The following IL1RAPL2 variants were observed in gnomAD, a reference collection of about 807,000 sequenced individuals.
IL1RAPL2 encodes interleukin 1 receptor accessory protein like 2.
Under a neutral mutation model 44.1 loss-of-function variants are expected in IL1RAPL2, and 3 were observed. That is an observed-to-expected ratio of 0.07 (90% confidence interval 0.03 to 0.18). The LOEUF (loss-of-function observed/expected upper bound fraction) is 0.18, where lower values mean the gene tolerates loss of function less well. IL1RAPL2 is among the 10% of genes least tolerant of loss of function. The pLI is 1.00. For synonymous variants in IL1RAPL2, 181 were observed against 178.8 expected (o/e 1.01, Z -0.10); for missense variants, 391 against 496.4 (o/e 0.79, Z 2.02).
chrX:104,742,648 G>C (rs1257930340), intron 2 of IL1RAPL2, among the ~76,000 whole-genome samples: 1 of 111,342 alleles, frequency 9.0e-6, no homozygotes. Context: ...TCAGTTCTTG[G>C]ATATTTTGGT....
At position 104,835,061 on chromosome X, in the gene IL1RAPL2, A is replaced by G. The variant is rs2147631359; in HGVS notation, c.82+176066A>G. Among the ~76,000 whole-genome samples the G allele has an allele frequency of 2.7e-5, 3 of 112,279 alleles. No individual in the cohort carries two copies. In the South Asian group the frequency reaches 1.1e-3, roughly 41 times the overall value. ...TTGAAAACAGAAAAAAAATGTTGTT[A>G]GATTGATCATTGATCACATTAGCTT... On this transcript the variant is annotated intron_variant, in intron 2 of 10. Transcript: ENST00000372582.
chrX:104,776,392 G>A (rs1348500990), intron 2 of IL1RAPL2, among the ~76,000 whole-genome samples: 2 of 112,085 alleles, frequency 1.8e-5, no homozygotes, highest in Non-Finnish European at 3.8e-5. Context: ...GGAAAATGAA[G>A]ACAATGTTGC....
chrX:105,289,887 C>T (rs962453531), intron 5 of IL1RAPL2, among the ~76,000 whole-genome samples: 1 of 111,239 alleles, frequency 9.0e-6, no homozygotes, highest in Non-Finnish European at 1.9e-5. Flanking sequence ...TGGGTACATG[C>T]CAGCATTAGA....
intron 6 of IL1RAPL2, among the ~76,000 whole-genome samples, chrX:105,512,919 A>G (rs1306655913): frequency 1.8e-5 from 2 of 109,809 alleles, no homozygotes; most frequent in Non-Finnish European, 3.8e-5. Flanking sequence ...CCCCTCCCCT[A>G]GGCCCCCAAC....
At chrX:104,932,961 A>G (rs2147698307) in intron 2 of IL1RAPL2, among the ~76,000 whole-genome samples, 1 of 111,854 alleles carries the variant, frequency 8.9e-6, no homozygotes, top group East Asian at 2.8e-4. Context: ...CCAATCTTGA[A>G]TTTCCACTAA....
intron 2 of IL1RAPL2, among the ~76,000 whole-genome samples, chrX:105,155,914 T>A (rs989132243): frequency 9.0e-6 from 1 of 111,027 alleles, no homozygotes; most frequent in African/African-American, 3.3e-5. Context: ...CCTCTAAGAG[T>A]ACTTGTCCCA....
intron 6 of IL1RAPL2, among the ~76,000 whole-genome samples, chrX:105,568,306 C>G (rs760845030): frequency 8.9e-6 from 1 of 111,924 alleles, no homozygotes; most frequent in Non-Finnish European, 1.9e-5. Flanking sequence ...TTGTGATACT[C>G]TCTGCTTCTC....
In IL1RAPL2 at chrX:104,744,332, C is replaced by A. The variant is rs771587108; in HGVS notation, c.82+85337C>A. Among the ~76,000 whole-genome samples, 5 of 110,910 alleles carry A rather than the reference C, an allele frequency of 4.5e-5. No individual in the cohort carries two copies. The South Asian group carries it at 1.9e-3, about 42-fold the overall frequency. On this transcript the variant is annotated intron_variant, in intron 2 of 10. Transcript: ENST00000372582. ...GACTTTTTTTCAATATTCTGGATAGCAAAGAAATGTTCTCAAACTTTATTT... is the reference window on the plus strand; with the variant it reads ...GACTTTTTTTCAATATTCTGGATAGAAAAGAAATGTTCTCAAACTTTATTT...
intron 3 of IL1RAPL2, among the ~76,000 whole-genome samples, chrX:105,233,049 C>T (rs782425028): frequency 2.6e-4 from 29 of 111,726 alleles, no homozygotes; most frequent in African/African-American, 7.5e-4. Context: ...TTTGGGAGGC[C>T]GAGGCGGGCG....
intron 2 of IL1RAPL2, among the ~76,000 whole-genome samples, chrX:105,187,970 C>CATAT (rs782636946): frequency 1.8e-5 from 2 of 110,817 alleles, no homozygotes; most frequent in African/African-American, 3.3e-5. Flanking sequence ...TGTCATATAT[C>CATAT]ATATATATAT....
chrX:104,997,773 G>T (rs183122880), intron 2 of IL1RAPL2, among the ~76,000 whole-genome samples: 2 of 111,136 alleles, frequency 1.8e-5, no homozygotes, highest in East Asian at 2.9e-4. Context: ...TTGAACAATT[G>T]TGTATGTGGT....
rs1280916021 is a variant in IL1RAPL2, at chrX:105,243,547, G to GTATATA, written c.543+9553_543+9558dup. Among the ~76,000 whole-genome samples the GTATATA allele has an allele frequency of 1.3e-3, 90 of 68,931 alleles. No individual in the cohort carries two copies. The African/African-American group carries it at 0.025, about 19-fold the overall frequency. 59.9% of individuals were successfully genotyped at this position (68,931 alleles called of 115,157 possible). On this transcript the variant is annotated intron_variant, in intron 4 of 10. Transcript: ENST00000372582. ...ATGGAGATTTCATATATATATGTGT[G>GTATATA]TATATATATATATATGTGTGTATAT...
rs187352665 is a variant in IL1RAPL2, at chrX:105,429,756, A to G, written c.698-54557A>G. Among the ~76,000 whole-genome samples, 4 of 111,904 alleles carry G rather than the reference A, an allele frequency of 3.6e-5. No individual in the cohort carries two copies. The Admixed American group carries it at 3.8e-4, about 11-fold the overall frequency. On this transcript the variant is annotated intron_variant, in intron 5 of 10. Coordinates refer to ENST00000372582, the MANE Select transcript of IL1RAPL2 (RefSeq NM_017416.2). ...ACAACAATAGACAATATGTAAACGA[A>G]TGGGAGTGACTGTATTCCAATCACA...
chrX:104,884,071 C>T (rs140100462), intron 2 of IL1RAPL2, among the ~76,000 whole-genome samples: 7 of 109,452 alleles, frequency 6.4e-5, no homozygotes, highest in African/African-American at 1.4e-4. Flanking sequence ...CCGCTAAATC[C>T]GATTTTTCTC....
At chrX:104,842,175 G>A (rs1254256099) in intron 2 of IL1RAPL2, among the ~76,000 whole-genome samples, 1 of 108,614 alleles carries the variant, frequency 9.2e-6, no homozygotes, top group Non-Finnish European at 1.9e-5. Flanking sequence ...CTGCTTGATC[G>A]ATTCAGCTAT....
chrX:105,615,190 C>T (rs970033749), intron 6 of IL1RAPL2, among the ~76,000 whole-genome samples: 1 of 111,359 alleles, frequency 9.0e-6, no homozygotes. Context: ...CAAATGCTGG[C>T]GAGGACACGG....
At chrX:105,650,339 G>T (rs1397976043) in intron 6 of IL1RAPL2, among the ~76,000 whole-genome samples, 1 of 111,746 alleles carries the variant, frequency 8.9e-6, no homozygotes, top group Non-Finnish European at 1.9e-5. Flanking sequence ...GGTAATGGAG[G>T]ACGATGGCAC....
chrX:104,903,701 C>A lies in IL1RAPL2; in HGVS notation c.82+244706C>A, dbSNP rs755821244. The stretch of plus-strand genomic sequence containing the variant: ...CAAGTGATTCTCCTGCCTCAGCCTC[C>A]CGAGTAGCTGGGACTACAGGCACGC... On this transcript the variant is annotated intron_variant, in intron 2 of 10. Transcript: ENST00000372582. 6.3e-5 allele frequency among the ~76,000 whole-genome samples: 7 copies of A among 110,823 alleles called. No homozygotes were observed. The East Asian group carries it at 2.0e-3, about 31-fold the overall frequency.
chrX:105,518,748 C>T (rs2036534009), intron 6 of IL1RAPL2, among the ~76,000 whole-genome samples: 1 of 111,787 alleles, frequency 8.9e-6, no homozygotes, highest in Non-Finnish European at 1.9e-5. Flanking sequence ...TTACCATATA[C>T]TAATGACACA....
Sources: allele counts gnomAD v4.1 joint callset (sites outside exome capture counted in the v4.1 genomes callset), GRCh38; gene constraint gnomAD v4.1.1; transcripts MANE v1.5; gene names NCBI Gene and HGNC (gene_info 2026-07-23, HGNC 2026-07-21).